The following SNAPC3 variants were observed in gnomAD, a reference collection of about 807,000 sequenced individuals.
SNAPC3 encodes small nuclear RNA activating complex polypeptide 3, also known as snRNA-activating protein complex subunit 3.
A neutral mutation model predicts 47.7 loss-of-function variants in SNAPC3; 56 were observed. That is an observed-to-expected ratio of 1.18 (90% CI 0.95 to 1.47). The LOEUF (loss-of-function observed/expected upper bound fraction) is 1.47, where lower values mean the gene tolerates loss of function less well. SNAPC3 is among the 40% of genes most tolerant of loss of function. The pLI is 0.00. For synonymous variants in SNAPC3, 235 were observed against 189.9 expected, an observed-to-expected ratio of 1.24 and a Z score of -1.95; for missense variants, 665 against 511.3, an observed-to-expected ratio of 1.30 and a Z score of -2.90.
Position 15,450,214 on chromosome 9 carries a change from A to T in SNAPC3, c.733-1106A>T, listed in dbSNP as rs369097520. On this transcript the variant is annotated intron_variant, in intron 5 of 8. Transcript: ENST00000380821. ...TGAGGAAAGTAAAGGCTTTACTCAC[A>T]TTTTACATGGGAAAACAGTGTGAGT... Among the ~76,000 whole-genome samples, 6 of 152,274 alleles carry T rather than the reference A, an allele frequency of 3.9e-5. No homozygotes were observed. In the East Asian group the frequency reaches 9.7e-4, roughly 25 times the overall value.
chr9:15,451,970 TAA>T lies in SNAPC3; in HGVS notation c.815+579_815+580del, dbSNP rs55822827. Among the ~76,000 whole-genome samples, 967 of 150,208 alleles carry T rather than the reference TAA, an allele frequency of 6.4e-3. 17 individuals are homozygous for T. Among genetic ancestry groups the T allele is most frequent in the Admixed American group, 0.044 (667 of 15,068 alleles). ...GTATATATATTATTGTTGCCCTTTTTAAAAAAAAAAAATGAAAAAGTCTCGTT... is the reference window on the plus strand; with the variant it reads ...GTATATATATTATTGTTGCCCTTTTTAAAAAAAAAATGAAAAAGTCTCGTT... On this transcript the variant is annotated intron_variant, in intron 6 of 8. Transcript: ENST00000380821.
At position 15,459,758 on chromosome 9, in the gene SNAPC3, A is replaced by G; in HGVS notation, c.1128A>G (p.Pro376=). Residue 376 remains proline, a synonymous_variant, in exon 9 of 9, where the codon CCA becomes CCG. Coordinates refer to ENST00000380821, the MANE Select transcript of SNAPC3 (RefSeq NM_001039697.2). ...ATGACAGTTTTGCACCAGAGGACCC[A>G]TGCTTCTTTTGTGATGTTTGCTTCC... is the stretch of plus-strand genomic sequence containing the variant. ...TNNDSFAPED[P]CFFCDVCFRM... is the part of the protein sequence containing the mutation. The G allele has an allele frequency of 1.2e-6, 2 of 1,613,830 alleles. No individual in the cohort carries two copies. Among genetic ancestry groups the G allele is most frequent in the East Asian group, 2.2e-5 (1 of 44,870 alleles).
chr9:15,422,990 A>G lies in SNAPC3; in HGVS notation c.111A>G (p.Leu37=), dbSNP rs2030742782. 1.3e-6 allele frequency: 2 copies of G among 1,545,810 alleles called. No individual in the cohort carries two copies. Among genetic ancestry groups the G allele is most frequent in the Non-Finnish European group, 1.7e-6 (2 of 1,153,284 alleles). The change falls in exon 1 of 9, where the codon CTA becomes CTG. Residue 37 remains leucine, a synonymous_variant. Coordinates refer to ENST00000380821, the MANE Select transcript of SNAPC3 (RefSeq NM_001039697.2). ...TTCCAGAGTATGAGCTTCCCGAGCTAAATACGCGCGCTTTCCATGTGGGCG... is the reference window on the plus strand; with the variant it reads ...TTCCAGAGTATGAGCTTCCCGAGCTGAATACGCGCGCTTTCCATGTGGGCG... ...CNFPEYELPE[L]NTRAFHVGAF...
downstream of SNAPC3, chr9:15,462,635 C>T (rs1292748792): frequency 2.0e-5 from 3 of 152,150 alleles, no homozygotes; most frequent in Non-Finnish European, 4.4e-5. Context: ...ATAGTGGATA[C>T]ACATGCACAG....
intron 5 of SNAPC3, 38 bp downstream of exon 5, chr9:15,447,282 C>A: frequency 6.3e-7 from 1 of 1,595,186 alleles, no homozygotes; most frequent in Non-Finnish European, 8.6e-7. Flanking sequence ...AAGGAAATAA[C>A]AAGCTAAGAA....
At chr9:15,426,713 TGC>T (rs2031448475) in intron 2 of SNAPC3, among the ~76,000 whole-genome samples, 1 of 152,244 alleles carries the variant, frequency 6.6e-6, no homozygotes, top group Non-Finnish European at 1.5e-5. Context: ...ATTTTAAGAC[TGC>T]TTAAACATTA....
intron 7 of SNAPC3, among the ~76,000 whole-genome samples, chr9:15,454,734 G>A (rs999863059): frequency 6.6e-6 from 1 of 152,058 alleles, no homozygotes. Flanking sequence ...TCAGGAGATC[G>A]AGACCATGCT....
In SNAPC3 at chr9:15,440,928, A is replaced by G. The variant is rs374696637; in HGVS notation, c.478-3674A>G. On this transcript the variant is annotated intron_variant, in intron 3 of 8. Coordinates refer to ENST00000380821, the MANE Select transcript of SNAPC3 (RefSeq NM_001039697.2). The stretch of plus-strand genomic sequence containing the variant: ...AGCGCCACTGCACTCCAGCTTGGGC[A>G]ACAGAGTGAGACTCCGTCTCAAAAA... Among the ~76,000 whole-genome samples the G allele has an allele frequency of 4.5e-3, 661 of 146,822 alleles. 3 individuals are homozygous for G. The highest frequency in any genetic ancestry group is 0.016 in the African/African-American group (629 of 38,480).
intron 7 of SNAPC3, 166 bp downstream of exon 7, chr9:15,453,371 C>G: frequency 1.9e-6 from 1 of 532,990 alleles, no homozygotes; most frequent in Non-Finnish European, 3.3e-6. Flanking sequence ...AATACCAACT[C>G]TTTCCATCCA....
intron 5 of SNAPC3, among the ~76,000 whole-genome samples, chr9:15,448,895 C>A (rs560640405): frequency 6.6e-6 from 1 of 151,864 alleles, no homozygotes; most frequent in South Asian, 2.1e-4. Context: ...CTGCAACTTT[C>A]ACCTCCCAGT....
chr9:15,431,341 C>T (rs2032118857), intron 2 of SNAPC3, among the ~76,000 whole-genome samples: 1 of 152,172 alleles, frequency 6.6e-6, no homozygotes, highest in Admixed American at 6.5e-5. Context: ...TCTTTCTCAG[C>T]CCTAGGGGTA....
At chr9:15,457,524 G>A (rs184980342) in intron 7 of SNAPC3, among the ~76,000 whole-genome samples, 373 of 152,274 alleles carry the variant, frequency 2.4e-3, no homozygotes, top group African/African-American at 8.8e-3. Context: ...GAGCACAGGA[G>A]TTTGAGGCTA....
intron 3 of SNAPC3, among the ~76,000 whole-genome samples, chr9:15,436,959 G>A (rs1265561830): frequency 6.6e-6 from 1 of 151,500 alleles, no homozygotes; most frequent in Non-Finnish European, 1.5e-5. Flanking sequence ...GAGTGGCTGG[G>A]ATTACAGGTG....
At chr9:15,425,685 T>C (rs2031285053) in intron 2 of SNAPC3, among the ~76,000 whole-genome samples, 1 of 152,248 alleles carries the variant, frequency 6.6e-6, no homozygotes, top group African/African-American at 2.4e-5. Context: ...TCAAGCCTAC[T>C]ATACTGCCTT....
At position 15,460,018 on chromosome 9, in the gene SNAPC3, T is replaced by A. The variant is rs768111602; in HGVS notation, c.*152T>A. The A allele has an allele frequency of 4.1e-5, 21 of 517,402 alleles. No individual in the cohort carries two copies. Among genetic ancestry groups the A allele is most frequent in the Non-Finnish European group, 6.0e-5 (18 of 298,460 alleles). 32.1% of individuals were successfully genotyped at this position (517,402 alleles called of 1,614,324 possible). The stretch of plus-strand genomic sequence containing the variant: ...AAAGTCCAAATGACAGATTTTCTTA[T>A]AATGATAGTATTTAAATGTTTATAA... On this transcript the variant is annotated 3_prime_UTR_variant, in exon 9 of 9. Coordinates refer to ENST00000380821, the MANE Select transcript of SNAPC3 (RefSeq NM_001039697.2).
At chr9:15,446,272 A>AC (rs2033922835) in intron 4 of SNAPC3, among the ~76,000 whole-genome samples, 1 of 152,178 alleles carries the variant, frequency 6.6e-6, no homozygotes, top group Non-Finnish European at 1.5e-5. Flanking sequence ...GTTGGAGTGC[A>AC]GCAGTACAAT....
chr9:15,441,987 C>G (rs530679885), intron 3 of SNAPC3, among the ~76,000 whole-genome samples: 1 of 151,994 alleles, frequency 6.6e-6, no homozygotes, highest in East Asian at 2.0e-4. Context: ...GAGGCGCCCC[C>G]CCACCTCCCG....
At chr9:15,456,325 T>C (rs2034790988) in intron 7 of SNAPC3, among the ~76,000 whole-genome samples, 1 of 152,180 alleles carries the variant, frequency 6.6e-6, no homozygotes, top group Non-Finnish European at 1.5e-5. Flanking sequence ...CGTACATTTC[T>C]TATAGTGTAG....
chr9:15,441,952 A>G (rs989203822), intron 3 of SNAPC3, among the ~76,000 whole-genome samples: 1 of 152,046 alleles, frequency 6.6e-6, no homozygotes, highest in Non-Finnish European at 1.5e-5. Context: ...GGAGCTCCTC[A>G]CTTCCCAGAA....
Sources: allele counts gnomAD v4.1 joint callset (sites outside exome capture counted in the v4.1 genomes callset), GRCh38; gene constraint gnomAD v4.1.1; transcripts MANE v1.5; gene names NCBI Gene and HGNC (gene_info 2026-07-23, HGNC 2026-07-21).